Variants in CPQ observed in about 807,000 individuals in gnomAD.
CPQ encodes carboxypeptidase Q, also known as Ser-Met dipeptidase.
A neutral mutation model predicts 45.7 loss-of-function variants in CPQ; 37 were observed. The observed-to-expected ratio is 0.81, with a 90% CI of 0.62 to 1.07. The LOEUF (loss-of-function observed/expected upper bound fraction) is 1.07. Among genes scored for constraint, CPQ ranks in the 50% least tolerant of loss-of-function variants. The pLI, the probability that CPQ is intolerant of heterozygous loss-of-function variation, is 0.00. For missense variants in CPQ, 537 were observed against 572.9 expected (o/e 0.94, Z 0.64); for synonymous variants, 186 against 205.8 (o/e 0.90, Z 0.82).
At chr8:96,845,451 C>T (rs1811672559) in intron 3 of CPQ, among the ~76,000 whole-genome samples, 1 of 152,146 alleles carries the variant, frequency 6.6e-6, no homozygotes, top group Admixed American at 6.5e-5. Flanking sequence ...ACCAATTAAA[C>T]AGATACATAC....
chr8:96,767,618 T>C (rs1248177337), intron 1 of CPQ, among the ~76,000 whole-genome samples: 1 of 149,346 alleles, frequency 6.7e-6, no homozygotes, highest in Non-Finnish European at 1.5e-5. Flanking sequence ...AAAATCCCTT[T>C]CAGCTGGTTA....
At chr8:96,858,580 T>C (rs1811885027) in intron 3 of CPQ, among the ~76,000 whole-genome samples, 1 of 152,160 alleles carries the variant, frequency 6.6e-6, no homozygotes, top group Admixed American at 6.5e-5. Context: ...CCCATTTGCT[T>C]CCTGCCCACC....
intron 1 of CPQ, among the ~76,000 whole-genome samples, chr8:96,718,518 G>A (rs1809715645): frequency 6.6e-6 from 1 of 152,120 alleles, no homozygotes; most frequent in Admixed American, 6.5e-5. Flanking sequence ...AGACCTTCGT[G>A]GTGAGTGTTA....
At chr8:97,084,783 G>T (rs901467618) in intron 7 of CPQ, among the ~76,000 whole-genome samples, 13 of 151,216 alleles carry the variant, frequency 8.6e-5, no homozygotes, top group Non-Finnish European at 1.8e-4. Context: ...ATTCCCTTTT[G>T]CTTTCCTTTA....
intron 1 of CPQ, among the ~76,000 whole-genome samples, chr8:96,650,845 T>G (rs2130703106): frequency 6.6e-6 from 1 of 152,328 alleles, no homozygotes; most frequent in East Asian, 1.9e-4. Flanking sequence ...AATGACACTT[T>G]CAGTGCAGTA....
intron 1 of CPQ, among the ~76,000 whole-genome samples, chr8:96,740,526 TC>T (rs1465023373): frequency 6.6e-6 from 1 of 151,820 alleles, no homozygotes; most frequent in African/African-American, 2.4e-5. Flanking sequence ...AGAGAGGGCA[TC>T]CCTGTCTTAT....
intron 7 of CPQ, among the ~76,000 whole-genome samples, chr8:97,072,924 A>C (rs927770670): frequency 3.7e-4 from 57 of 152,234 alleles, no homozygotes; most frequent in Non-Finnish European, 2.9e-5. Flanking sequence ...CCCTCGACAA[A>C]ATGTCCATGA....
intron 1 of CPQ, among the ~76,000 whole-genome samples, chr8:96,743,518 A>G (rs1341506809): frequency 6.6e-6 from 1 of 152,054 alleles, no homozygotes; most frequent in Non-Finnish European, 1.5e-5. Flanking sequence ...GTTGCTGGTG[A>G]GGAACTGCAT....
intron 3 of CPQ, among the ~76,000 whole-genome samples, chr8:96,864,460 C>T (rs2130869575): frequency 6.6e-6 from 1 of 152,098 alleles, no homozygotes; most frequent in Admixed American, 6.6e-5. Context: ...TATGTGGACT[C>T]ATCAGAAGTC....
intron 2 of CPQ, among the ~76,000 whole-genome samples, chr8:96,798,370 T>A (rs2130820217): frequency 6.6e-6 from 1 of 152,182 alleles, no homozygotes; most frequent in Non-Finnish European, 1.5e-5. Context: ...AACTCCCAGC[T>A]CAAGTGATCT....
intron 1 of CPQ, among the ~76,000 whole-genome samples, chr8:96,783,427 G>A (rs1810718390): frequency 6.6e-6 from 1 of 152,092 alleles, no homozygotes; most frequent in Admixed American, 6.6e-5. Context: ...ATGGCAGAAG[G>A]CATCGCACAG....
chr8:96,699,167 C>T (rs996439000), intron 1 of CPQ, among the ~76,000 whole-genome samples: 2 of 152,116 alleles, frequency 1.3e-5, no homozygotes, highest in Non-Finnish European at 2.9e-5. Flanking sequence ...AGAATGAGAT[C>T]CTCTCATTTG....
chr8:96,801,465 A>G (rs935817012), intron 2 of CPQ, among the ~76,000 whole-genome samples: 2 of 152,196 alleles, frequency 1.3e-5, no homozygotes, highest in African/African-American at 2.4e-5. Flanking sequence ...TTGATTTTAT[A>G]TAATGTAAAT....
chr8:96,888,787 A>G (rs1010177452), intron 4 of CPQ, among the ~76,000 whole-genome samples: 10 of 152,172 alleles, frequency 6.6e-5, no homozygotes, highest in African/African-American at 2.4e-4. Context: ...TTTGTGAAAC[A>G]GTAGGATGAG....
chr8:97,063,022 G>A (rs1469036321), intron 6 of CPQ, among the ~76,000 whole-genome samples: 1 of 152,166 alleles, frequency 6.6e-6, no homozygotes, highest in African/African-American at 2.4e-5. Flanking sequence ...GGGTTGAATG[G>A]TAATTCTGTC....
chr8:96,822,573 C>T (rs976098171), intron 2 of CPQ, among the ~76,000 whole-genome samples: 1 of 151,918 alleles, frequency 6.6e-6, no homozygotes, highest in Admixed American at 6.6e-5. Context: ...TTCTACTTAT[C>T]CCTGCCAACA....
At chr8:96,815,278 G>T (rs1290501714) in intron 2 of CPQ, among the ~76,000 whole-genome samples, 1 of 151,892 alleles carries the variant, frequency 6.6e-6, no homozygotes, top group East Asian at 1.9e-4. Flanking sequence ...AAAAGGGAAG[G>T]TGTTAAAAGA....
chr8:96,805,176 T>G (rs1029079719), intron 2 of CPQ, among the ~76,000 whole-genome samples: 1 of 152,208 alleles, frequency 6.6e-6, no homozygotes, highest in Non-Finnish European at 1.5e-5. Flanking sequence ...TGTAGAACTT[T>G]GAAAAATAAA....
At chr8:96,705,644 C>A (rs1009161033) in intron 1 of CPQ, among the ~76,000 whole-genome samples, 7 of 152,116 alleles carry the variant, frequency 4.6e-5, no homozygotes, top group African/African-American at 1.7e-4. Flanking sequence ...AGTCTGGTGT[C>A]TACTTCATCA....
Sources: gnomAD v4.1 joint callset for allele counts (sites outside exome capture counted in the v4.1 genomes callset) on GRCh38, gnomAD v4.1.1 for gene constraint, MANE v1.5 for transcripts, NCBI Gene and HGNC (gene_info 2026-07-23, HGNC 2026-07-21) for gene names.